Variants in FANK1 observed in about 807,000 individuals in gnomAD.
FANK1 encodes the protein fibronectin type III and ankyrin repeat domains 1.
FANK1 carries 44 observed loss-of-function variants against 45.3 expected under a neutral mutation model. That is an observed-to-expected ratio of 0.97 (90% CI 0.76 to 1.25). FANK1 has a LOEUF of 1.25. Among genes scored for constraint, FANK1 ranks in the 50% most tolerant of loss-of-function variants. The probability of loss-of-function intolerance (pLI) is 0.00; values close to 1 mark genes in which losing one functional copy is unlikely to be tolerated. For synonymous variants in FANK1, 149 were observed against 152.5 expected (o/e 0.98, Z 0.17); for missense variants, 391 against 424.4 (o/e 0.92, Z 0.69).
intron 1 of FANK1, among the ~76,000 whole-genome samples, chr10:125,944,352 C>G (rs1000507381): frequency 1.3e-5 from 2 of 152,192 alleles, no homozygotes; most frequent in African/African-American, 4.8e-5. Flanking sequence ...TTATAGTTTT[C>G]CAGGCACTCA....
intron 3 of FANK1, among the ~76,000 whole-genome samples, chr10:125,993,506 T>C (rs1034796169): frequency 1.3e-5 from 2 of 152,210 alleles, no homozygotes; most frequent in Non-Finnish European, 2.9e-5. Context: ...TGTGCACTTA[T>C]GGATTCTTAG....
At chr10:125,931,742 A>ATTGCAT (rs774244905) in intron 1 of FANK1, among the ~76,000 whole-genome samples, 1 of 152,024 alleles carries the variant, frequency 6.6e-6, no homozygotes, top group Non-Finnish European at 1.5e-5. Flanking sequence ...CTTTGTTTTT[A>ATTGCAT]TTGCATTTGC....
intron 1 of FANK1, among the ~76,000 whole-genome samples, chr10:125,933,040 G>A (rs1045411603): frequency 6.6e-6 from 1 of 152,038 alleles, no homozygotes; most frequent in African/African-American, 2.4e-5. Context: ...CTGCATCCCT[G>A]GTATGAAATC....
intron 7 of FANK1, among the ~76,000 whole-genome samples, chr10:126,008,103 G>A (rs2292691): frequency 0.017 from 2,526 of 152,282 alleles, 68 homozygotes; most frequent in East Asian, 0.11. Context: ...ATGAATGCTA[G>A]GTGAGGAAAG....
chr10:125,994,870 C>T (rs1454115837), intron 3 of FANK1: 1 of 985,270 alleles, frequency 1.0e-6, no homozygotes, highest in Admixed American at 6.1e-5. Context: ...CAAGCTCTCT[C>T]CCCTAATTGG....
At chr10:125,999,474 G>A (rs922670874) in intron 6 of FANK1, among the ~76,000 whole-genome samples, 2 of 152,306 alleles carry the variant, frequency 1.3e-5, no homozygotes. Flanking sequence ...TTTGAACAGT[G>A]TATGGCACAT....
At position 125,906,515 on chromosome 10, in the gene FANK1, C is replaced by CAAAAAAAAAAAAAAAAAA. The variant is rs34132526; in HGVS notation, c.13+9872_13+9889dup. Among the ~76,000 whole-genome samples the CAAAAAAAAAAAAAAAAAA allele has an allele frequency of 3.1e-3, 146 of 46,404 alleles. 12 individuals are homozygous for CAAAAAAAAAAAAAAAAAA. Among genetic ancestry groups the CAAAAAAAAAAAAAAAAAA allele is most frequent in the East Asian group, 5.7e-3 (9 of 1,584 alleles). The allele number at this position is 46,404 out of a possible 152,430, so 30.4% of individuals were successfully genotyped here. On this transcript the variant is annotated intron_variant, in intron 1 of 10. Transcript: ENST00000368693. ...TTGGGGACAGAGCAAGACTCTGTCT[C>CAAAAAAAAAAAAAAAAAA]AAAAAAAAAAAAAAAAAAAAAAAAA...
At chr10:125,927,489 TCTG>T (rs1449118845) in intron 1 of FANK1, among the ~76,000 whole-genome samples, 6 of 152,346 alleles carry the variant, frequency 3.9e-5, no homozygotes, top group African/African-American at 1.2e-4. Flanking sequence ...GTTTATCTGT[TCTG>T]CTGGTGGCTG....
chr10:125,920,268 A>G (rs906325772), intron 1 of FANK1, among the ~76,000 whole-genome samples: 7 of 152,232 alleles, frequency 4.6e-5, no homozygotes, highest in Non-Finnish European at 7.3e-5. Context: ...GACTTAAGAT[A>G]TAGACCAAAC....
chr10:125,988,718 T>A, intron 3 of FANK1, 43 bp downstream of exon 3: 2 of 1,614,146 alleles, frequency 1.2e-6, no homozygotes, highest in Admixed American at 1.7e-5. Context: ...TCTAGATCAA[T>A]GGAGATGACA....
intron 1 of FANK1, among the ~76,000 whole-genome samples, chr10:125,931,521 A>G (rs1178143809): frequency 6.6e-6 from 1 of 152,094 alleles, no homozygotes; most frequent in Non-Finnish European, 1.5e-5. Flanking sequence ...TCTTCTTTTG[A>G]GAATTGTCTA....
chr10:125,955,276 C>G (rs1949506959), intron 1 of FANK1, among the ~76,000 whole-genome samples: 1 of 151,978 alleles, frequency 6.6e-6, no homozygotes. Context: ...ACCTCCCCGA[C>G]AGACCCCAGT....
intron 1 of FANK1, among the ~76,000 whole-genome samples, chr10:125,916,085 A>C (rs1946425369): frequency 6.6e-6 from 1 of 151,666 alleles, no homozygotes. Context: ...ACCAGGCTGG[A>C]GTGCAGTAGT....
chr10:125,924,428 AT>A (rs1375572257), intron 1 of FANK1, among the ~76,000 whole-genome samples: 1 of 151,354 alleles, frequency 6.6e-6, no homozygotes, highest in Non-Finnish European at 1.5e-5. Context: ...TAATTTTTGT[AT>A]TTTTAGTAGA....
At chr10:125,991,592 A>G (rs1307940800) in intron 3 of FANK1, among the ~76,000 whole-genome samples, 2 of 152,218 alleles carry the variant, frequency 1.3e-5, no homozygotes, top group African/African-American at 4.8e-5. Context: ...GAGTGTTTTA[A>G]TGAGTCACAG....
chr10:125,920,120 C>G (rs972917871), intron 1 of FANK1, among the ~76,000 whole-genome samples: 1 of 152,208 alleles, frequency 6.6e-6, no homozygotes, highest in Non-Finnish European at 1.5e-5. Context: ...TGTTATTTTA[C>G]TCATAAGCTT....
chr10:125,917,277 A>G (rs930408940), intron 1 of FANK1, among the ~76,000 whole-genome samples: 3 of 152,228 alleles, frequency 2.0e-5, no homozygotes, highest in Non-Finnish European at 4.4e-5. Flanking sequence ...TAACTATTAC[A>G]AAAAAGTAAC....
At chr10:125,990,017 A>G (rs1177162896) in intron 3 of FANK1, among the ~76,000 whole-genome samples, 1 of 152,058 alleles carries the variant, frequency 6.6e-6, no homozygotes, top group Non-Finnish European at 1.5e-5. Context: ...TCCCTGGAGC[A>G]CTCACTTCAT....
intron 2 of FANK1, among the ~76,000 whole-genome samples, chr10:125,988,265 C>A (rs1187823873): frequency 1.3e-5 from 2 of 152,160 alleles, no homozygotes; most frequent in East Asian, 1.9e-4. Flanking sequence ...TACTTGAGGG[C>A]AAATGTCGTG....
Sources: allele counts gnomAD v4.1 joint callset (sites outside exome capture counted in the v4.1 genomes callset), GRCh38; gene constraint gnomAD v4.1.1; transcripts MANE v1.5; gene names NCBI Gene and HGNC (gene_info 2026-07-23, HGNC 2026-07-21).